The following PRKCE variants were observed in gnomAD, a reference collection of about 807,000 sequenced individuals.
The protein encoded by PRKCE is protein kinase C epsilon type.
A neutral mutation model predicts 85.4 loss-of-function variants in PRKCE; 16 were observed. The observed-to-expected ratio is 0.19, with a 90% CI of 0.13 to 0.28. The LOEUF (loss-of-function observed/expected upper bound fraction) is 0.28, where lower values mean the gene tolerates loss of function less well. Among genes scored for constraint, PRKCE ranks in the 10% least tolerant of loss-of-function variants. The pLI, the probability that PRKCE is intolerant of heterozygous loss-of-function variation, is 1.00. For synonymous variants in PRKCE, 388 were observed against 371.5 expected (o/e 1.04, Z -0.51); for missense variants, 573 against 975.2 (o/e 0.59, Z 5.49).
intron 1 of PRKCE, among the ~76,000 whole-genome samples, chr2:45,685,910 A>G (rs1677262571): frequency 6.6e-6 from 1 of 152,198 alleles, no homozygotes; most frequent in Admixed American, 6.5e-5. Flanking sequence ...CACGGATAGA[A>G]CCCTGACTAT....
At chr2:45,704,082 G>A (rs1678908808) in intron 1 of PRKCE, among the ~76,000 whole-genome samples, 1 of 152,190 alleles carries the variant, frequency 6.6e-6, no homozygotes, top group South Asian at 2.1e-4. Context: ...AGAGACACAT[G>A]GGCGATGCAT....
At chr2:45,815,529 C>T (rs1455566160) in intron 1 of PRKCE, among the ~76,000 whole-genome samples, 1 of 152,172 alleles carries the variant, frequency 6.6e-6, no homozygotes. Flanking sequence ...TCCTCGGTCC[C>T]CTCCATTAGA....
intron 14 of PRKCE, among the ~76,000 whole-genome samples, chr2:46,183,778 C>A (rs1324833129): frequency 6.6e-6 from 1 of 152,180 alleles, no homozygotes; most frequent in Non-Finnish European, 1.5e-5. Context: ...AGTCTTAGCC[C>A]AAATCCCAAC....
At position 46,145,299 on chromosome 2, in the gene PRKCE, C is replaced by A; in HGVS notation, c.1731+68C>A. 1 of 1,564,418 alleles carries A rather than the reference C, an allele frequency of 6.4e-7. No individual in the cohort carries two copies. The highest frequency in any genetic ancestry group is 8.7e-7 in the Non-Finnish European group (1 of 1,151,340). ...ACCGAGGCAGGGGTCCAAACCCATG[C>A]ACTGGGGTCATCTAGTGGTGCTGGG... On this transcript the variant is annotated intron_variant, in intron 12 of 14. Transcript: ENST00000306156. This position sits in a 1 kb window ranked among gnomAD's most constrained non-coding sequence, Gnocchi z 4.6.
intron 2 of PRKCE, among the ~76,000 whole-genome samples, chr2:45,917,731 G>C (rs1027816910): frequency 2.0e-5 from 3 of 152,234 alleles, no homozygotes; most frequent in Admixed American, 2.0e-4. Flanking sequence ...GGCGGCGCTC[G>C]TCGGGGAGGC....
chr2:45,734,543 C>T (rs1467835813), intron 1 of PRKCE, among the ~76,000 whole-genome samples: 1 of 152,174 alleles, frequency 6.6e-6, no homozygotes, highest in African/African-American at 2.4e-5. Flanking sequence ...GAAGCAGCAG[C>T]TTGATGGTAT....
intron 2 of PRKCE, among the ~76,000 whole-genome samples, chr2:45,933,639 A>G (rs1699226897): frequency 6.6e-6 from 1 of 151,724 alleles, no homozygotes; most frequent in African/African-American, 2.4e-5. Flanking sequence ...AGGCACAGTT[A>G]ATTTTTTTTT....
rs542281271 is a variant in PRKCE, at chr2:45,744,058, G to C, written c.348+91610G>C. On this transcript the variant is annotated intron_variant, in intron 1 of 14. Transcript: ENST00000306156. Reference sequence around the variant, plus strand: ...ATGATGTATGGGAGAAAGGCAGAGAGTACTGGGTTCAAATCCTGGACCACC... The same window carrying C: ...ATGATGTATGGGAGAAAGGCAGAGACTACTGGGTTCAAATCCTGGACCACC... 3.3e-5 allele frequency among the ~76,000 whole-genome samples: 5 copies of C among 151,260 alleles called. No homozygotes were observed. The South Asian group carries it at 1.0e-3, about 32-fold the overall frequency.
At chr2:46,154,804 T>C (rs1286685069) in intron 13 of PRKCE, among the ~76,000 whole-genome samples, 2 of 151,838 alleles carry the variant, frequency 1.3e-5, no homozygotes, top group East Asian at 1.9e-4. Context: ...GCTCAGTTGA[T>C]ACCTGATAGC....
At chr2:45,876,469 A>G (rs906572343) in intron 2 of PRKCE, among the ~76,000 whole-genome samples, 2 of 152,234 alleles carry the variant, frequency 1.3e-5, no homozygotes, top group Admixed American at 1.3e-4. Flanking sequence ...TAGTCTTGCA[A>G]CTTGTGGTCA....
chr2:46,134,532 A>C lies in PRKCE; in HGVS notation c.1593-10561A>C, dbSNP rs377260175. 1.8e-4 allele frequency among the ~76,000 whole-genome samples: 27 copies of C among 152,356 alleles called. No individual in the cohort carries two copies. In the South Asian group the frequency reaches 5.6e-3, roughly 32 times the overall value. On this transcript the variant is annotated intron_variant, in intron 11 of 14. Transcript: ENST00000306156. ...ATTTCGTGTAAAAATGCCTGCTGGC[A>C]AAGGTTTGCTCCAAAGTGGAAAGGG...
rs568243428 is a variant in PRKCE at position 46,120,473 on chromosome 2, G to A, written c.1593-24620G>A. 2.0e-5 allele frequency among the ~76,000 whole-genome samples: 3 copies of A among 152,344 alleles called. No homozygotes were observed. The East Asian group carries it at 5.8e-4, about 29-fold the overall frequency. ...TGCCCAGGCTGGAAAACCCGCTCTA[G>A]ATGCAAAGTTCTCTGCTCATGTGAC... On this transcript the variant is annotated intron_variant, in intron 11 of 14. Transcript: ENST00000306156.
At chr2:45,944,238 G>C (rs1262993524) in intron 2 of PRKCE, among the ~76,000 whole-genome samples, 2 of 152,122 alleles carry the variant, frequency 1.3e-5, no homozygotes, top group Non-Finnish European at 1.5e-5. Context: ...ACTTTTTGAT[G>C]CTCCTTTTGT....
In PRKCE at chr2:45,869,190, CAAATTT is replaced by C. The variant is rs1693877107; in HGVS notation, c.412+26131_412+26136del. ...CTGTAAAATATTTGGCTAAATACTT[CAAATTT>C]AAAAATCAGTAACTTGATATTAATG... On this transcript the variant is annotated intron_variant, in intron 2 of 14. Coordinates refer to ENST00000306156, the MANE Select transcript of PRKCE (RefSeq NM_005400.3). Among the ~76,000 whole-genome samples, 4 of 152,140 alleles carry C rather than the reference CAAATTT, an allele frequency of 2.6e-5. No individual in the cohort carries two copies. The South Asian group carries it at 8.3e-4, about 32-fold the overall frequency.
At chr2:46,170,422 C>G (rs937277560) in intron 14 of PRKCE, among the ~76,000 whole-genome samples, 1 of 152,184 alleles carries the variant, frequency 6.6e-6, no homozygotes, top group African/African-American at 2.4e-5. Flanking sequence ...GAATGAGTCC[C>G]CATGTGTTCA....
At chr2:45,733,521 T>A (rs1184457876) in intron 1 of PRKCE, among the ~76,000 whole-genome samples, 2 of 152,142 alleles carry the variant, frequency 1.3e-5, no homozygotes, top group Non-Finnish European at 2.9e-5. Flanking sequence ...CTAAGCAAGG[T>A]AAGGGGCATT....
At chr2:45,943,461 G>A (rs1446799519) in intron 2 of PRKCE, among the ~76,000 whole-genome samples, 1 of 152,232 alleles carries the variant, frequency 6.6e-6, no homozygotes, top group Non-Finnish European at 1.5e-5. Flanking sequence ...GGTCTGCCAG[G>A]GGGCGCTAAC....
At chr2:46,119,891 T>C (rs1210872176) in intron 11 of PRKCE, among the ~76,000 whole-genome samples, 2 of 152,250 alleles carry the variant, frequency 1.3e-5, no homozygotes, top group African/African-American at 2.4e-5. Flanking sequence ...TCTGTAATGA[T>C]AATGTGTCTT....
intron 3 of PRKCE, among the ~76,000 whole-genome samples, chr2:45,976,823 G>A (rs1355751641): frequency 6.6e-6 from 1 of 151,414 alleles, no homozygotes; most frequent in African/African-American, 2.4e-5. Context: ...TATGAAAAGA[G>A]TTAAGATTTT....
Sources: gnomAD v4.1 joint callset for allele counts (sites outside exome capture counted in the v4.1 genomes callset) on GRCh38, gnomAD v4.1.1 for gene constraint, Gnocchi (gnomAD v3.1) non-coding constraint, MANE v1.5 for transcripts, NCBI Gene and HGNC (gene_info 2026-07-23, HGNC 2026-07-21) for gene names.